TBC1D15: variants seen among roughly 807,000 people sequenced by gnomAD.
TBC1D15 encodes GAP for RAB7.
A neutral mutation model predicts 95.4 loss-of-function variants in TBC1D15; 39 were observed. The ratio of observed to expected loss-of-function variants is 0.41; its 90% CI spans 0.32 to 0.53. The LOEUF is 0.53. Among genes scored for constraint, TBC1D15 ranks in the 20% least tolerant of loss-of-function variants. The pLI is 0.29. For synonymous variants in TBC1D15, 258 were observed against 261.3 expected, an observed-to-expected ratio of 0.99 and a Z score of 0.12; for missense variants, 733 against 794.3, an observed-to-expected ratio of 0.92 and a Z score of 0.93.
chr12:71,843,084 A>G (rs11178960), intron 1 of TBC1D15, among the ~76,000 whole-genome samples: 16,613 of 151,976 alleles, frequency 0.11, 1,069 homozygotes, highest in African/African-American at 0.16. Flanking sequence ...CGGGAGTTTG[A>G]GACCAGCCTG....
chr12:71,856,570 T>A (rs925034768), intron 1 of TBC1D15, among the ~76,000 whole-genome samples: 1 of 152,116 alleles, frequency 6.6e-6, no homozygotes, highest in Non-Finnish European at 1.5e-5. Context: ...GGGATATATA[T>A]TTTTTTCTTT....
At chr12:71,839,976 C>T (rs1592670744) in intron 1 of TBC1D15, among the ~76,000 whole-genome samples, 165 bp downstream of exon 1, 1 of 152,138 alleles carries the variant, frequency 6.6e-6, no homozygotes, top group Non-Finnish European at 1.5e-5. Flanking sequence ...CCCGAGAATG[C>T]CAGTTCAGCC....
intron 1 of TBC1D15, among the ~76,000 whole-genome samples, chr12:71,865,798 A>G (rs1891366750): frequency 6.6e-6 from 1 of 152,050 alleles, no homozygotes; most frequent in Non-Finnish European, 1.5e-5. Context: ...GTAGCTGCTC[A>G]GCTCAGGCAG....
At chr12:71,911,701 C>T (rs1046889646) in intron 11 of TBC1D15, among the ~76,000 whole-genome samples, 3 of 151,238 alleles carry the variant, frequency 2.0e-5, no homozygotes, top group African/African-American at 4.9e-5. Context: ...TGCAGCACAC[C>T]AGCATGGCAC....
At chr12:71,882,663 C>G (rs1895439482) in intron 4 of TBC1D15, among the ~76,000 whole-genome samples, 1 of 152,156 alleles carries the variant, frequency 6.6e-6, no homozygotes, top group Non-Finnish European at 1.5e-5. Context: ...GAATGCTTTG[C>G]AGTTTAGTTT....
chr12:71,887,095 C>G (rs1470235311), intron 5 of TBC1D15, among the ~76,000 whole-genome samples: 1 of 152,076 alleles, frequency 6.6e-6, no homozygotes, highest in Non-Finnish European at 1.5e-5. Flanking sequence ...CTGATTGAAT[C>G]TCTTGAAAAA....
At chr12:71,903,575 C>G (rs1899956670) in intron 10 of TBC1D15, among the ~76,000 whole-genome samples, 1 of 152,130 alleles carries the variant, frequency 6.6e-6, no homozygotes, top group African/African-American at 2.4e-5. Context: ...CATGTATGTT[C>G]ATAGCAGCAC....
At chr12:71,850,671 G>A (rs1296737049) in intron 1 of TBC1D15, among the ~76,000 whole-genome samples, 3 of 152,132 alleles carry the variant, frequency 2.0e-5, no homozygotes, top group Non-Finnish European at 4.4e-5. Context: ...CTGGGCCTCT[G>A]TATTAGTTTT....
At position 71,923,159 on chromosome 12, in the gene TBC1D15, A is replaced by G. The variant is rs1870094412; in HGVS notation, c.1980A>G (p.Thr660=). ...GTGGAGCCAGAAATGACAGCCCAAC[A>G]CAGATACCAGTGTCCTCAGATGTCT... The part of the protein sequence containing the change: ...SASGARNDSP[T]QIPVSSDVCR... The change falls in exon 17 of 17, where the codon ACA becomes ACG. Residue 660 remains threonine (T), a synonymous_variant. Coordinates refer to ENST00000485960, the MANE Select transcript of TBC1D15 (RefSeq NM_001146213.3). 1.2e-6 allele frequency: 2 copies of G among 1,614,202 alleles called. No individual in the cohort carries two copies. Among genetic ancestry groups the G allele is most frequent in the East Asian group, 4.5e-5 (2 of 44,886 alleles).
At chr12:71,917,389 C>G (rs1243159965) in intron 12 of TBC1D15, among the ~76,000 whole-genome samples, 4 of 152,114 alleles carry the variant, frequency 2.6e-5, no homozygotes, top group Non-Finnish European at 5.9e-5. Flanking sequence ...ATGTGTGTTT[C>G]TTTCACCAAG....
At chr12:71,881,374 A>G (rs949188072) in intron 4 of TBC1D15, among the ~76,000 whole-genome samples, 4 of 152,336 alleles carry the variant, frequency 2.6e-5, no homozygotes, top group Middle Eastern at 3.4e-3. Context: ...CTGACAATAA[A>G]GATCACTTTA....
At chr12:71,846,830 G>T (rs912396995) in intron 1 of TBC1D15, among the ~76,000 whole-genome samples, 1 of 142,548 alleles carries the variant, frequency 7.0e-6, no homozygotes, top group Non-Finnish European at 1.5e-5. Flanking sequence ...GTGTGATCTC[G>T]GCTTACTGCA....
At chr12:71,882,143 C>CT (rs1206013037) in intron 4 of TBC1D15, among the ~76,000 whole-genome samples, 6 of 151,490 alleles carry the variant, frequency 4.0e-5, no homozygotes, top group Non-Finnish European at 4.4e-5. Flanking sequence ...GTACTTTTTT[C>CT]TTTTTTGTGT....
At position 71,884,829 on chromosome 12, in the gene TBC1D15, A is replaced by G; in HGVS notation, c.362A>G (p.Asn121Ser). The part of the protein sequence containing the change: ...HTNGDAPSHR[N>S]GKSKWSFLFS... ...TTTTAAGATGCTCCAAGTCATAGAA[A>G]TGGGAAAAGCAAATGGTCATTCCTG... Residue 121 changes from asparagine to serine, a missense_variant, in exon 5 of 17, where the codon AAT becomes AGT. By Grantham distance (46) the Asn-to-Ser change is conservative. Coordinates refer to ENST00000485960, the MANE Select transcript of TBC1D15 (RefSeq NM_001146213.3). The G allele has an allele frequency of 6.2e-7, 1 of 1,613,968 alleles. No homozygotes were observed. Among genetic ancestry groups the G allele is most frequent in the Non-Finnish European group, 8.5e-7 (1 of 1,179,886 alleles).
At chr12:71,854,789 G>A (rs769377287) in intron 1 of TBC1D15, 4 of 456,418 alleles carry the variant, frequency 8.8e-6, no homozygotes, top group East Asian at 7.0e-5. Flanking sequence ...TTGCAGATTC[G>A]CTTGGTGACA....
intron 1 of TBC1D15, among the ~76,000 whole-genome samples, chr12:71,868,211 C>T (rs1233701843): frequency 6.7e-6 from 1 of 149,472 alleles, no homozygotes. Flanking sequence ...AGTTGAGGAA[C>T]ACAGAATACA....
chr12:71,908,187 A>G (rs548371974), intron 11 of TBC1D15, among the ~76,000 whole-genome samples: 76 of 152,186 alleles, frequency 5.0e-4, no homozygotes, highest in Non-Finnish European at 9.9e-4. Flanking sequence ...AAAAAAAAGA[A>G]CTGACGGTGG....
chr12:71,919,938 G>A (rs1345339704), intron 14 of TBC1D15, among the ~76,000 whole-genome samples: 1 of 152,150 alleles, frequency 6.6e-6, no homozygotes, highest in Non-Finnish European at 1.5e-5. Flanking sequence ...AACCTTTGAG[G>A]TTAATTGCAT....
intron 11 of TBC1D15, among the ~76,000 whole-genome samples, chr12:71,908,976 A>G (rs1176982455): frequency 3.9e-5 from 6 of 152,204 alleles, no homozygotes; most frequent in African/African-American, 1.4e-4. Context: ...TGTAGGGAAT[A>G]GGACCATTCT....
Sources: allele counts gnomAD v4.1 joint callset (sites outside exome capture counted in the v4.1 genomes callset), GRCh38; gene constraint gnomAD v4.1.1; transcripts MANE v1.5; gene names NCBI Gene and HGNC (gene_info 2026-07-23, HGNC 2026-07-21).